LRFN2: variants seen among roughly 807,000 people sequenced by gnomAD.
LRFN2 encodes the protein leucine-rich repeat and fibronectin type-III domain-containing protein 2.
Under a neutral mutation model 37.3 loss-of-function variants are expected in LRFN2, and 18 were observed. That is an observed-to-expected ratio of 0.48 (90% CI 0.33 to 0.72). The LOEUF is 0.72. LRFN2 is among the 30% of genes least tolerant of loss of function. The pLI is 0.02. For synonymous variants in LRFN2, 556 were observed against 466.6 expected (o/e 1.19, Z -2.47); for missense variants, 1,006 against 1,060.7 (o/e 0.95, Z 0.72).
chr6:40,474,840 G>C (rs537646718), intron 1 of LRFN2, among the ~76,000 whole-genome samples: 6 of 152,158 alleles, frequency 3.9e-5, no homozygotes, highest in Non-Finnish European at 8.8e-5. Flanking sequence ...CATATTCTAA[G>C]GTTCCAAGTG....
intron 1 of LRFN2, among the ~76,000 whole-genome samples, chr6:40,469,740 T>A (rs1355962639): frequency 6.6e-6 from 1 of 152,104 alleles, no homozygotes; most frequent in Non-Finnish European, 1.5e-5. Flanking sequence ...CTTTCGGGGT[T>A]CCAGTTCTCA....
intron 1 of LRFN2, among the ~76,000 whole-genome samples, chr6:40,520,496 C>A (rs1007390783): frequency 6.6e-6 from 1 of 152,210 alleles, no homozygotes. Flanking sequence ...CCCTCCCTTG[C>A]AGACTTGGGT....
rs55706368 is a variant in LRFN2 at position 40,392,851 on chromosome 6, C to G, written c.1462G>C (p.Asp488His). 1 of 1,613,900 alleles carries G rather than the reference C, an allele frequency of 6.2e-7. No individual in the cohort carries two copies. The highest frequency in any genetic ancestry group is 1.7e-5 in the Admixed American group (1 of 60,014). The stretch of plus-strand genomic sequence containing the variant: ...TCCCACATGGCCAGCACACACAAGT[C>G]GTAGCCAGTCCCTGACACCAGGTTG... ...VNNLVSGTGY[D>H]LCVLAMWDDT... Residue 488 changes from aspartate to histidine, a missense_variant, in exon 3 of 3, where the codon GAC (aspartate) becomes CAC (histidine). Asp to His is a moderately conservative substitution (Grantham distance 81, BLOSUM62 -1). Coordinates refer to ENST00000338305, the MANE Select transcript of LRFN2 (RefSeq NM_020737.3). This position sits in a 1 kb window ranked among gnomAD's most constrained non-coding sequence, Gnocchi z 4.7.
At chr6:40,501,769 C>A (rs954642746) in intron 1 of LRFN2, 1 of 152,176 alleles carries the variant, frequency 6.6e-6, no homozygotes, top group African/African-American at 2.4e-5. Context: ...TCTCCGCCTA[C>A]AAAAGATGAA....
At chr6:40,416,439 G>A (rs1041621052) in intron 2 of LRFN2, among the ~76,000 whole-genome samples, 7 of 152,074 alleles carry the variant, frequency 4.6e-5, no homozygotes, top group Admixed American at 3.9e-4. Flanking sequence ...GTGGGTGGGA[G>A]GAGTGGTGGG....
intron 2 of LRFN2, among the ~76,000 whole-genome samples, chr6:40,419,058 C>T (rs1378002100): frequency 1.3e-5 from 2 of 152,224 alleles, no homozygotes; most frequent in Non-Finnish European, 2.9e-5. Flanking sequence ...CAGGGTCTTG[C>T]ACTTGTGTGT....
intron 1 of LRFN2, among the ~76,000 whole-genome samples, chr6:40,480,008 T>C (rs1190491376): frequency 6.6e-6 from 1 of 152,252 alleles, no homozygotes; most frequent in African/African-American, 2.4e-5. Flanking sequence ...CTATTTCCCC[T>C]TTTCACGTCT....
At chr6:40,528,748 C>T (rs544291852) in intron 1 of LRFN2, among the ~76,000 whole-genome samples, 33 of 152,258 alleles carry the variant, frequency 2.2e-4, no homozygotes, top group African/African-American at 7.7e-4. Context: ...AGTCAGAAAT[C>T]CTAAGTTGAA....
At chr6:40,574,889 C>T (rs1404710612) in intron 1 of LRFN2, among the ~76,000 whole-genome samples, 5 of 152,178 alleles carry the variant, frequency 3.3e-5, no homozygotes, top group Non-Finnish European at 4.4e-5. Flanking sequence ...CCCCACCTAC[C>T]CCAATAAGGG....
chr6:40,444,931 C>T (rs1439150948), intron 1 of LRFN2, among the ~76,000 whole-genome samples: 3 of 151,756 alleles, frequency 2.0e-5, no homozygotes, highest in African/African-American at 7.3e-5. Flanking sequence ...CCAGTCTCCT[C>T]CCTGTTGACT....
At chr6:40,545,723 A>G (rs1186915075) in intron 1 of LRFN2, among the ~76,000 whole-genome samples, 1 of 152,052 alleles carries the variant, frequency 6.6e-6, no homozygotes, top group African/African-American at 2.4e-5. Context: ...AAAGAGGAAA[A>G]GCAGGGGAAA....
At chr6:40,510,936 G>A (rs1200456352) in intron 1 of LRFN2, among the ~76,000 whole-genome samples, 1 of 152,200 alleles carries the variant, frequency 6.6e-6, no homozygotes, top group Non-Finnish European at 1.5e-5. Context: ...ACTAGAGATA[G>A]GGAGGGGAAG....
chr6:40,396,726 GTGTGTA>G (rs1170062346), intron 2 of LRFN2, among the ~76,000 whole-genome samples: 47 of 136,438 alleles, frequency 3.4e-4, no homozygotes, highest in Middle Eastern at 3.8e-3. Flanking sequence ...GTGTGTGTGT[GTGTGTA>G]TGTGTGCGTG....
chr6:40,509,621 G>A (rs766346525), intron 1 of LRFN2, among the ~76,000 whole-genome samples: 2 of 152,054 alleles, frequency 1.3e-5, no homozygotes, highest in East Asian at 1.9e-4. Context: ...AAGGTAAGGG[G>A]TGAGTGCCTG....
chr6:40,525,488 C>T (rs1328167214), intron 1 of LRFN2, among the ~76,000 whole-genome samples: 1 of 152,208 alleles, frequency 6.6e-6, no homozygotes, highest in Non-Finnish European at 1.5e-5. Flanking sequence ...CATGTACAGA[C>T]TTGAGGATCC....
At chr6:40,576,480 G>T (rs1445953799) in intron 1 of LRFN2, among the ~76,000 whole-genome samples, 1 of 152,206 alleles carries the variant, frequency 6.6e-6, no homozygotes, top group Non-Finnish European at 1.5e-5. Context: ...CAGCAGCATG[G>T]CAGGGCAGCC....
intron 1 of LRFN2, among the ~76,000 whole-genome samples, chr6:40,475,276 G>A (rs770925476): frequency 3.3e-5 from 5 of 152,142 alleles, no homozygotes; most frequent in African/African-American, 1.2e-4. Flanking sequence ...TGAGAGCATC[G>A]CAGGGAAGAG....
At chr6:40,401,818 C>T (rs376807626) in intron 2 of LRFN2, among the ~76,000 whole-genome samples, 8 of 152,168 alleles carry the variant, frequency 5.3e-5, no homozygotes, top group African/African-American at 7.2e-5. Flanking sequence ...ACTAGCACCA[C>T]GCCTTTCTAG....
At chr6:40,394,731 C>T (rs1391738785) in intron 2 of LRFN2, among the ~76,000 whole-genome samples, 1 of 152,084 alleles carries the variant, frequency 6.6e-6, no homozygotes, top group Non-Finnish European at 1.5e-5. Flanking sequence ...TGGGAGGGAC[C>T]TGGTGGGAGG....
Sources: gnomAD v4.1 joint callset for allele counts (sites outside exome capture counted in the v4.1 genomes callset) on GRCh38, gnomAD v4.1.1 for gene constraint, Gnocchi (gnomAD v3.1) non-coding constraint, MANE v1.5 for transcripts, NCBI Gene and HGNC (gene_info 2026-07-23, HGNC 2026-07-21) for gene names.